The following ZC3H6 variants were observed in gnomAD, a reference collection of about 807,000 sequenced individuals.
ZC3H6 encodes zinc finger CCCH-type containing 6.
ZC3H6 carries 40 observed loss-of-function variants against 107.7 expected under a neutral mutation model. The ratio of observed to expected loss-of-function variants is 0.37; its 90% CI spans 0.29 to 0.48. The LOEUF (loss-of-function observed/expected upper bound fraction) is 0.48. Ranked by LOEUF, ZC3H6 falls within the 20% of genes least tolerant of loss-of-function variation. The pLI, the probability that ZC3H6 is intolerant of heterozygous loss-of-function variation, is 0.98. For missense variants in ZC3H6, 1,267 were observed against 1,410.4 expected (o/e 0.90, Z 1.63); for synonymous variants, 493 against 487.9 (o/e 1.01, Z -0.14).
rs750367960 is a variant in ZC3H6 at position 112,317,345 on chromosome 2, T to G, written c.976+13T>G. 7.5e-7 allele frequency: 1 copy of G among 1,333,216 alleles called. No homozygotes were observed. The highest frequency in any genetic ancestry group is 1.0e-6 in the Non-Finnish European group (1 of 967,006). 82.6% of individuals were successfully genotyped at this position (1,333,216 alleles called of 1,614,324 possible). A position where few individuals can be genotyped will look rare whatever the true frequency, so the allele number is the denominator to read the frequency against. ...ATTTATATGCATAATATCCTTTATT[T>G]AAAATGTATGTTAAATAAAATGCTG... On this transcript the variant is annotated intron_variant, in intron 7 of 11. Coordinates refer to ENST00000409871, the MANE Select transcript of ZC3H6 (RefSeq NM_198581.3).
In ZC3H6 at chr2:112,332,097, C is replaced by T. The variant is rs1677046127; in HGVS notation, c.3179C>T (p.Ser1060Leu). The change falls in exon 12 of 12, where the codon TCA becomes TTA. Residue 1060 changes from serine (S) to leucine (L), a missense_variant. By Grantham distance (145) the Ser-to-Leu change is moderately radical. Around this residue, in one of 3 missense-constraint regions of ZC3H6, gnomAD observed 925 missense variants for 1,025.7 expected, o/e 0.90. Transcript: ENST00000409871. Reference sequence around the variant, plus strand: ...AGGGATCACGGTTCATCATCCACATCAGAGCTAGCAACAGCTTCTTCAGGA... The same window carrying T: ...AGGGATCACGGTTCATCATCCACATTAGAGCTAGCAACAGCTTCTTCAGGA... ...DPRDHGSSST[S>L]ELATASSGEN... is the part of the protein sequence containing the mutation. 4 of 1,613,864 alleles carry T rather than the reference C, an allele frequency of 2.5e-6. No homozygotes were observed. The South Asian group carries it at 4.4e-5, about 18-fold the overall frequency.
At chr2:112,320,369 T>G in intron 7 of ZC3H6, among the ~76,000 whole-genome samples, 1 of 152,238 alleles carries the variant, frequency 6.6e-6, no homozygotes, top group Non-Finnish European at 1.5e-5. Context: ...GATGATTAAC[T>G]CATTGTCTTA....
chr2:112,300,099 G>T, intron 2 of ZC3H6, 70 bp downstream of exon 2: 1 of 1,032,386 alleles, frequency 9.7e-7, no homozygotes, highest in Non-Finnish European at 1.3e-6. Context: ...AAATTAGAAA[G>T]TAGAAGTCAT....
intron 7 of ZC3H6, among the ~76,000 whole-genome samples, chr2:112,318,063 G>A (rs11682795): frequency 0.11 from 16,327 of 152,016 alleles, 1,184 homozygotes; most frequent in Non-Finnish European, 0.16. Flanking sequence ...TGCCACAACA[G>A]CCACGGTAAT....
intron 7 of ZC3H6, among the ~76,000 whole-genome samples, chr2:112,319,520 C>A (rs993372626): frequency 1.3e-5 from 2 of 152,074 alleles, no homozygotes; most frequent in Non-Finnish European, 2.9e-5. Flanking sequence ...GTAGCGTGCA[C>A]CTGTAATCCC....
In ZC3H6 at chr2:112,332,552, A is replaced by G. The variant is rs1677058736; in HGVS notation, c.*64A>G. The G allele has an allele frequency of 1.2e-5, 17 of 1,476,758 alleles. No homozygotes were observed. The Admixed American group carries it at 3.1e-4, about 27-fold the overall frequency. The allele number at this position is 1,476,758 out of a possible 1,614,324, so 91.5% of individuals were successfully genotyped here. A position where few individuals can be genotyped will look rare whatever the true frequency, so the allele number is the denominator to read the frequency against. ...TATCTCAGTCCTCTGCTGTTTTGTA[A>G]CTGGTTTACCTCTATAGTTTATTTA... On this transcript the variant is annotated 3_prime_UTR_variant, in exon 12 of 12. Coordinates refer to ENST00000409871, the MANE Select transcript of ZC3H6 (RefSeq NM_198581.3).
chr2:112,324,149 C>T lies in ZC3H6; in HGVS notation c.1341-3C>T, dbSNP rs1676856898. The T allele has an allele frequency of 1.3e-6, 2 of 1,563,106 alleles. No individual in the cohort carries two copies. Among genetic ancestry groups the T allele is most frequent in the Non-Finnish European group, 1.7e-6 (2 of 1,150,114 alleles). Reference sequence around the variant, plus strand: ...TAAGAAATATTATTATTTCTGTCTACAGGCCACCAGCATTTTATACCAGTG... The same window carrying T: ...TAAGAAATATTATTATTTCTGTCTATAGGCCACCAGCATTTTATACCAGTG... On this transcript the variant is annotated splice_region_variant and splice_polypyrimidine_tract_variant and intron_variant, in intron 9 of 11. Transcript: ENST00000409871.
chr2:112,307,502 C>T (rs1187021453), intron 3 of ZC3H6, among the ~76,000 whole-genome samples: 1 of 152,142 alleles, frequency 6.6e-6, no homozygotes, highest in African/African-American at 2.4e-5. Context: ...CATTTATCTT[C>T]TCTCGGTTGG....
intron 1 of ZC3H6, 133 bp downstream of exon 1, chr2:112,276,159 A>G (rs1471045266): frequency 1.4e-6 from 1 of 691,716 alleles, no homozygotes; most frequent in African/African-American, 2.0e-5. Context: ...CATGACGCGC[A>G]CTCTTATGTA....
In ZC3H6 at chr2:112,324,472, C is replaced by A. The variant is rs756860545; in HGVS notation, c.1661C>A (p.Pro554Gln). The change falls in exon 10 of 12, where the codon CCA becomes CAA. Residue 554 changes from proline to glutamine, a missense_variant. Pro to Gln is a moderately conservative substitution (Grantham distance 76). Coordinates refer to ENST00000409871, the MANE Select transcript of ZC3H6 (RefSeq NM_198581.3). ...PPSMGGAYHS[P>Q]GFPGHVMKVP... ...AGTATGGGTGGGGCTTACCACTCCC[C>A]AGGCTTTCCAGGACATGTGATGAAA... 3 of 1,613,832 alleles carry A rather than the reference C, an allele frequency of 1.9e-6. No homozygotes were observed. In the Admixed American group the frequency reaches 5.0e-5, roughly 27 times the overall value.
At position 112,322,246 on chromosome 2, in the gene ZC3H6, G is replaced by A. The variant is rs112447550; in HGVS notation, c.1086+381G>A. ...TTTTCTTTTCTTTTGGCAAGGTCTCGCTGTGTTGTCCAGGCTGGGTGTAGT... is the reference window on the plus strand; with the variant it reads ...TTTTCTTTTCTTTTGGCAAGGTCTCACTGTGTTGTCCAGGCTGGGTGTAGT... On this transcript the variant is annotated intron_variant, in intron 8 of 11. Transcript: ENST00000409871. Among the ~76,000 whole-genome samples the A allele has an allele frequency of 2.0e-4, 30 of 147,186 alleles. 1 individual carries two copies. Among genetic ancestry groups the A allele is most frequent in the African/African-American group, 7.3e-4 (29 of 39,790 alleles).
chr2:112,309,634 C>T (rs1676557684), intron 3 of ZC3H6, among the ~76,000 whole-genome samples: 1 of 152,044 alleles, frequency 6.6e-6, no homozygotes, highest in Non-Finnish European at 1.5e-5. Flanking sequence ...GTGTAAGATA[C>T]TGAGACATAG....
rs980923964 is a variant in ZC3H6, at chr2:112,275,738, A to G, written c.-257A>G. On this transcript the variant is annotated 5_prime_UTR_variant, in exon 1 of 12. An upstream open reading frame in the 5' UTR loses its in-frame stop. Transcript: ENST00000409871. Reference sequence around the variant, plus strand: ...CAGCCACCGGCGGCGAATAGAGACTAGAGCGGCAGCGCCGGCAGCGCGGGG... The same window carrying G: ...CAGCCACCGGCGGCGAATAGAGACTGGAGCGGCAGCGCCGGCAGCGCGGGG... 1.2e-5 allele frequency: 5 copies of G among 429,978 alleles called. No individual in the cohort carries two copies. Among genetic ancestry groups the G allele is most frequent in the African/African-American group, 1.0e-4 (5 of 48,736 alleles). The allele number at this position is 429,978 out of a possible 1,614,324, so 26.6% of individuals were successfully genotyped here. A position where few individuals can be genotyped will look rare whatever the true frequency, so the allele number is the denominator to read the frequency against.
intron 11 of ZC3H6, 61 bp downstream of exon 11, chr2:112,325,258 C>G (rs1676886608): frequency 1.3e-6 from 2 of 1,493,466 alleles, no homozygotes; most frequent in Admixed American, 3.7e-5. Flanking sequence ...TTTTAAATGG[C>G]CGAGGCAGGT....
intron 6 of ZC3H6, among the ~76,000 whole-genome samples, chr2:112,316,991 C>A (rs917260777): frequency 1.3e-5 from 2 of 152,160 alleles, no homozygotes; most frequent in Non-Finnish European, 2.9e-5. Flanking sequence ...CAGGCAGTAT[C>A]CTGTGAGGTC....
chr2:112,324,913 T>G (rs1573964729), intron 10 of ZC3H6, 51 bp from the exon 11 acceptor site: 1 of 1,486,432 alleles, frequency 6.7e-7, no homozygotes. Context: ...TTATGACTGG[T>G]GAAGTTTTGT....
At chr2:112,307,961 C>T (rs1302859180) in intron 3 of ZC3H6, among the ~76,000 whole-genome samples, 3 of 152,252 alleles carry the variant, frequency 2.0e-5, no homozygotes, top group South Asian at 2.1e-4. Flanking sequence ...CATCTATTAA[C>T]AAAGTAATCT....
At chr2:112,317,179 T>TTACC in intron 6 of ZC3H6, 42 bp from the exon 7 acceptor site, 1 of 1,147,842 alleles carries the variant, frequency 8.7e-7, no homozygotes, top group South Asian at 1.7e-5. Context: ...TCATTGTTTC[T>TTACC]TACCTTTTTT....
chr2:112,277,905 G>A (rs961820015), intron 1 of ZC3H6, among the ~76,000 whole-genome samples: 2 of 152,064 alleles, frequency 1.3e-5, no homozygotes, highest in Non-Finnish European at 2.9e-5. Flanking sequence ...AACCTTCCCT[G>A]GGGAACTTTT....
Sources: gnomAD v4.1 joint callset for allele counts (sites outside exome capture counted in the v4.1 genomes callset) on GRCh38, gnomAD v4.1.1 for gene constraint, gnomAD v4.1.1 regional missense constraint, MANE v1.5 for transcripts, NCBI Gene and HGNC (gene_info 2026-07-23, HGNC 2026-07-21) for gene names.